Variants in SEC16A observed in about 807,000 individuals in gnomAD.
The protein encoded by SEC16A is SEC16 homolog A, endoplasmic reticulum export factor.
In SEC16A, 110 loss-of-function variants were observed where a neutral mutation model predicts 221.9. The observed-to-expected ratio is 0.50, with a 90% CI of 0.42 to 0.58. The LOEUF (loss-of-function observed/expected upper bound fraction) is 0.58. Among genes scored for constraint, SEC16A ranks in the 20% least tolerant of loss-of-function variants. The probability of loss-of-function intolerance (pLI) is 0.00; values close to 1 mark genes in which losing one functional copy is unlikely to be tolerated. For synonymous variants in SEC16A, 1,393 were observed against 1,257.7 expected (o/e 1.11, Z -2.28); for missense variants, 3,165 against 3,097.8 (o/e 1.02, Z -0.52).
In SEC16A at chr9:136,459,492, A is replaced by G. The variant is rs1485167995; in HGVS notation, c.5255T>C (p.Val1752Ala). The change falls in exon 16 of 32, where the codon GTT becomes GCT. Residue 1752 changes from valine to alanine, a missense_variant. Physicochemically the swap from Val to Ala is moderately conservative, Grantham distance 64. This residue lies in a region of SEC16A where 1,088 missense variants were observed against 1,089.6 expected (regional missense o/e 1.00). Transcript: ENST00000684901. The surrounding 1 kb of genome is among the most constrained non-coding windows in gnomAD (Gnocchi z 6.1). ...CYLMAQAGFG[V>A]YTKKTTKLVL... ...AAGCTTTGTAGTTTTCTTCGTGTAA[A>G]CACCAAATCCCGCCTGGGCCATGAG... is the stretch of plus-strand genomic sequence containing the variant. The G allele has an allele frequency of 6.2e-7, 1 of 1,608,400 alleles. No individual in the cohort carries two copies. The highest frequency in any genetic ancestry group is 8.5e-7 in the Non-Finnish European group (1 of 1,177,196).
chr9:136,460,420 A>G (rs990837372), intron 13 of SEC16A, among the ~76,000 whole-genome samples: 1 of 152,068 alleles, frequency 6.6e-6, no homozygotes, highest in African/African-American at 2.4e-5. Context: ...GTGCCACTGC[A>G]CTCTAGCCTG....
intron 12 of SEC16A, 81 bp downstream of exon 12, chr9:136,462,806 C>T: frequency 6.6e-7 from 1 of 1,513,886 alleles, no homozygotes; most frequent in Non-Finnish European, 8.8e-7. Flanking sequence ...GGCCACGTCC[C>T]TCCCTGAAGG....
intron 1 of SEC16A, among the ~76,000 whole-genome samples, chr9:136,479,490 C>T (rs551383093): frequency 6.6e-6 from 1 of 152,166 alleles, no homozygotes; most frequent in East Asian, 1.9e-4. Flanking sequence ...GCAGCTGGGA[C>T]TACAGGCACC....
rs775692704 is a variant in SEC16A, at chr9:136,441,733, G to T, written c.*22C>A. 1 of 1,611,166 alleles carries T rather than the reference G, an allele frequency of 6.2e-7. No individual in the cohort carries two copies. The highest frequency in any genetic ancestry group is 1.1e-5 in the South Asian group (1 of 91,036). Reference sequence around the variant, plus strand: ...GAACAGCAGCGTCAGGGCTCCAAGTGCAAGTTCACAGCAGGGCAAGCCTAG... The same window carrying T: ...GAACAGCAGCGTCAGGGCTCCAAGTTCAAGTTCACAGCAGGGCAAGCCTAG... On this transcript the variant is annotated 3_prime_UTR_variant, in exon 32 of 32. Transcript: ENST00000684901.
intron 2 of SEC16A, among the ~76,000 whole-genome samples, chr9:136,477,991 CACA>C (rs989882986): frequency 5.3e-5 from 8 of 152,180 alleles, no homozygotes; most frequent in Non-Finnish European, 1.0e-4. Context: ...AGACCCGCGC[CACA>C]ACAACAGGGA....
At position 136,477,254 on chromosome 9, in the gene SEC16A, G is replaced by A. The variant is rs1266829730; in HGVS notation, c.362C>T (p.Ala121Val). 3 of 1,613,938 alleles carry A rather than the reference G, an allele frequency of 1.9e-6. No individual in the cohort carries two copies. In the Admixed American group the frequency reaches 5.0e-5, roughly 27 times the overall value. Residue 121 changes from alanine (A) to valine (V), a missense_variant, in exon 3 of 32, where the codon GCC becomes GTC. By Grantham distance (64) the Ala-to-Val change is moderately conservative. This residue lies in a region of SEC16A where 2,030 missense variants were observed against 1,923.1 expected (regional missense o/e 1.06). Transcript: ENST00000684901. ...PGPLTQPRAH[A>V]SPFSGALTPS... is the part of the protein sequence containing the mutation. The stretch of plus-strand genomic sequence containing the variant: ...TGTCAATGCACCAGAAAACGGACTG[G>A]CATGTGCTCTGGGCTGTGTCAGAGG...
At position 136,476,607 on chromosome 9, in the gene SEC16A, G is replaced by A. The variant is rs760444762; in HGVS notation, c.1009C>T (p.Leu337Phe). 5.0e-6 allele frequency: 8 copies of A among 1,597,028 alleles called. No individual in the cohort carries two copies. The Admixed American group carries it at 1.0e-4, about 20-fold the overall frequency. ...HRPASALVNP[L>F]ARGDSPENRT... is the part of the protein sequence containing the mutation. ...TTTTCTGGGCTATCTCCCCGGGCGA[G>A]GGGGTTCACAAGAGCAGAGGCGGGC... The change falls in exon 3 of 32, where the codon CTC becomes TTC. Residue 337 changes from leucine to phenylalanine, a missense_variant. By Grantham distance (22) the Leu-to-Phe change is conservative. Transcript: ENST00000684901.
intron 30 of SEC16A, 118 bp from the exon 31 acceptor site, chr9:136,444,018 G>A (rs189815745): frequency 6.3e-6 from 4 of 633,588 alleles, no homozygotes; most frequent in African/African-American, 3.7e-5. Flanking sequence ...ATAAGCTACA[G>A]AAGCAGATCC....
At chr9:136,482,399 T>C (rs753304122) in intron 1 of SEC16A, among the ~76,000 whole-genome samples, 13 of 152,226 alleles carry the variant, frequency 8.5e-5, no homozygotes, top group Non-Finnish European at 1.6e-4. Context: ...ATGGCTCTGA[T>C]GTTTCTGAAG....
At chr9:136,463,829 G>A (rs1448568742) in intron 9 of SEC16A, 89 bp from the exon 10 acceptor site, 1 of 1,421,432 alleles carries the variant, frequency 7.0e-7, no homozygotes, top group Non-Finnish European at 9.9e-7. Context: ...TGCTGCCCGT[G>A]AGAGGAGAGG....
chr9:136,459,181 A>C lies in SEC16A; in HGVS notation c.5362T>G (p.Tyr1788Asp). 1 of 1,613,806 alleles carries C rather than the reference A, an allele frequency of 6.2e-7. No homozygotes were observed. Among genetic ancestry groups the C allele is most frequent in the Non-Finnish European group, 8.5e-7 (1 of 1,179,752 alleles). ...GTCTCGGCACCCAGGGACTGGGCGTACTCATAGGCTTCCGTCCTCTGGATT... is the reference window on the plus strand; with the variant it reads ...GTCTCGGCACCCAGGGACTGGGCGTCCTCATAGGCTTCCGTCCTCTGGATT... Reference protein sequence around the residue: ...EAIQRTEAYEYAQSLGAETCP... With the variant: ...EAIQRTEAYEDAQSLGAETCP... The change falls in exon 17 of 32, where the codon TAC becomes GAC. Residue 1788 changes from tyrosine to aspartate, a missense_variant. This residue lies in a region of SEC16A where 1,088 missense variants were observed against 1,089.6 expected (regional missense o/e 1.00). Coordinates refer to ENST00000684901, the MANE Select transcript of SEC16A (RefSeq NM_014866.2). This position sits in a 1 kb window ranked among gnomAD's most constrained non-coding sequence, Gnocchi z 6.1.
chr9:136,446,301 G>C (rs2131819857), intron 28 of SEC16A, among the ~76,000 whole-genome samples: 1 of 151,626 alleles, frequency 6.6e-6, no homozygotes, highest in East Asian at 1.9e-4. Context: ...TAGAGATGGG[G>C]TTTCACCATG....
intron 28 of SEC16A, among the ~76,000 whole-genome samples, chr9:136,446,560 A>T (rs911679165): frequency 2.0e-5 from 3 of 152,082 alleles, no homozygotes; most frequent in African/African-American, 7.2e-5. Context: ...ATTGTAAAAT[A>T]TACATACTGT....
rs1263421877 is a variant in SEC16A, at chr9:136,459,433, T to C, written c.5303+11A>G. 6.3e-7 allele frequency: 1 copy of C among 1,585,006 alleles called. No homozygotes were observed. The highest frequency in any genetic ancestry group is 2.3e-5 in the East Asian group (1 of 44,286). Reference sequence around the variant, plus strand: ...GAAAACTTACAGGACTACACTGACTTGGTTCTTTACCTGTGATTGGATCCG... The same window carrying C: ...GAAAACTTACAGGACTACACTGACTCGGTTCTTTACCTGTGATTGGATCCG... On this transcript the variant is annotated intron_variant, in intron 16 of 31. Transcript: ENST00000684901. This position sits in a 1 kb window ranked among gnomAD's most constrained non-coding sequence, Gnocchi z 6.1.
chr9:136,456,333 C>T (rs144015616), intron 18 of SEC16A, among the ~76,000 whole-genome samples, 167 bp from the exon 19 acceptor site: 26 of 152,308 alleles, frequency 1.7e-4, no homozygotes, highest in South Asian at 1.2e-3. Context: ...GCACATGGGA[C>T]GCTGGGTGAC....
chr9:136,462,770 C>G (rs531698822), intron 12 of SEC16A, 117 bp downstream of exon 12: 1 of 1,184,468 alleles, frequency 8.4e-7, no homozygotes, highest in Middle Eastern at 2.3e-4. Context: ...AAGCCCCACA[C>G]TGCAGCGCGG....
At chr9:136,446,009 C>A (rs970739254) in intron 28 of SEC16A, among the ~76,000 whole-genome samples, 1 of 151,920 alleles carries the variant, frequency 6.6e-6, no homozygotes, top group East Asian at 1.9e-4. Context: ...GAGGCTTAGA[C>A]AGGTGAGTGA....
At chr9:136,458,080 C>T (rs1383953948) in intron 17 of SEC16A, among the ~76,000 whole-genome samples, 1 of 152,064 alleles carries the variant, frequency 6.6e-6, no homozygotes, top group African/African-American at 2.4e-5. Context: ...CCTCAGCCTC[C>T]GAGTGGCTGG....
In SEC16A at chr9:136,480,978, C is replaced by A. The variant is rs1022141134; in HGVS notation, c.-192+1960G>T. 3.9e-5 allele frequency among the ~76,000 whole-genome samples: 6 copies of A among 152,280 alleles called. No homozygotes were observed. The East Asian group carries it at 1.2e-3, about 29-fold the overall frequency. On this transcript the variant is annotated intron_variant, in intron 1 of 31. Coordinates refer to ENST00000684901, the MANE Select transcript of SEC16A (RefSeq NM_014866.2). ...TACAAGGAGCATTCCAACCTTCATG[C>A]TCCCTAATTGAGAGCTTTTTAGCAA...
Sources: gnomAD v4.1 joint callset for allele counts (sites outside exome capture counted in the v4.1 genomes callset) on GRCh38, gnomAD v4.1.1 for gene constraint, gnomAD v4.1.1 regional missense constraint, Gnocchi (gnomAD v3.1) non-coding constraint, MANE v1.5 for transcripts, NCBI Gene and HGNC (gene_info 2026-07-23, HGNC 2026-07-21) for gene names.